Variants in IPCEF1 observed in about 807,000 individuals in gnomAD.
The protein encoded by IPCEF1 is interaction protein for cytohesin exchange factors 1, also known as interactor protein for cytohesin exchange factors 1.
IPCEF1 carries 31 observed loss-of-function variants against 50.9 expected under a neutral mutation model. The observed-to-expected ratio is 0.61, with a 90% CI of 0.46 to 0.82. The LOEUF (loss-of-function observed/expected upper bound fraction) is 0.82. Among genes scored for constraint, IPCEF1 ranks in the 40% least tolerant of loss-of-function variants. The pLI, the probability that IPCEF1 is intolerant of heterozygous loss-of-function variation, is 0.00. For synonymous variants in IPCEF1, 181 were observed against 192.0 expected, an observed-to-expected ratio of 0.94 and a Z score of 0.47; for missense variants, 458 against 514.0, an observed-to-expected ratio of 0.89 and a Z score of 1.05.
At chr6:154,245,165 A>G (rs1352024404) in intron 5 of IPCEF1, among the ~76,000 whole-genome samples, 3 of 152,242 alleles carry the variant, frequency 2.0e-5, no homozygotes, top group African/African-American at 7.2e-5. Context: ...TGAAGAATGT[A>G]TTCAGGAGGG....
Position 154,246,708 on chromosome 6 carries a change from A to T in IPCEF1, c.129T>A (p.Ala43=). 6.2e-7 allele frequency: 1 copy of T among 1,614,138 alleles called. No individual in the cohort carries two copies. ...RRISCKDLGH[A]DCQGWLYKKK... ...TCTTATACAGCCACCCTTGGCAGTCAGCATGGCCCAGATCTTTACACGATA... is the reference window on the plus strand; with the variant it reads ...TCTTATACAGCCACCCTTGGCAGTCTGCATGGCCCAGATCTTTACACGATA... The change falls in exon 5 of 12, where the codon GCT becomes GCA. Residue 43 remains alanine, a synonymous_variant. Transcript: ENST00000367220.
At chr6:154,257,138 T>G (rs1205568152) in intron 3 of IPCEF1, among the ~76,000 whole-genome samples, 1 of 152,202 alleles carries the variant, frequency 6.6e-6, no homozygotes, top group Non-Finnish European at 1.5e-5. Context: ...GTGACTAAAT[T>G]TAGTTCCTGG....
At chr6:154,333,737 G>GTA (rs966407609) in intron 1 of IPCEF1, among the ~76,000 whole-genome samples, 17 of 151,356 alleles carry the variant, frequency 1.1e-4, no homozygotes, top group East Asian at 5.8e-4. Flanking sequence ...ATATGTGTAT[G>GTA]TATATATATG....
At chr6:154,273,495 C>T (rs1781949569) in intron 2 of IPCEF1, among the ~76,000 whole-genome samples, 1 of 152,078 alleles carries the variant, frequency 6.6e-6, no homozygotes, top group Admixed American at 6.6e-5. Context: ...AAGCAAAGGA[C>T]ATGAGATAAT....
Position 154,270,995 on chromosome 6 carries a change from A to C in IPCEF1, c.-17-5031T>G, listed in dbSNP as rs1316720434. On this transcript the variant is annotated intron_variant, in intron 2 of 11. Coordinates refer to ENST00000367220, the MANE Select transcript of IPCEF1 (RefSeq NM_001130700.2). ...TGTTCCAAAAGACAAACAAACAAAC[A>C]AACCAAAAAAACTCTTCTTTTAGCT... Among the ~76,000 whole-genome samples the C allele has an allele frequency of 2.6e-5, 4 of 152,176 alleles. No individual in the cohort carries two copies. The East Asian group carries it at 7.7e-4, about 29-fold the overall frequency.
Position 154,305,799 on chromosome 6 carries a change from A to G in IPCEF1, c.-61-16043T>C, listed in dbSNP as rs1782917069. ...GGACTTGCTGAGGCTTCTGGCCTCC[A>G]TCTTTCTCCCATGCTGGATGCTTCC... On this transcript the variant is annotated intron_variant, in intron 1 of 11. Coordinates refer to ENST00000367220, the MANE Select transcript of IPCEF1 (RefSeq NM_001130700.2). Among the ~76,000 whole-genome samples the G allele has an allele frequency of 2.0e-5, 3 of 152,208 alleles. No individual in the cohort carries two copies. The South Asian group carries it at 6.2e-4, about 31-fold the overall frequency.
At chr6:154,336,796 A>G (rs754686163) in intron 1 of IPCEF1, among the ~76,000 whole-genome samples, 7 of 152,046 alleles carry the variant, frequency 4.6e-5, no homozygotes, top group Admixed American at 3.3e-4. Context: ...TTGTTGAGAC[A>G]AGGTCCCACT....
At chr6:154,287,794 C>G (rs1013295771) in intron 2 of IPCEF1, among the ~76,000 whole-genome samples, 4 of 152,184 alleles carry the variant, frequency 2.6e-5, no homozygotes, top group Admixed American at 2.0e-4. Context: ...TACTTGACAA[C>G]TTTTGAAGAT....
intron 1 of IPCEF1, among the ~76,000 whole-genome samples, chr6:154,341,222 C>A (rs538871153): frequency 2.6e-5 from 4 of 152,282 alleles, no homozygotes; most frequent in Admixed American, 6.5e-5. Context: ...CAGTTTCCAG[C>A]TTGAGTTTTC....
At chr6:154,333,785 G>A (rs1318959403) in intron 1 of IPCEF1, among the ~76,000 whole-genome samples, 2 of 151,254 alleles carry the variant, frequency 1.3e-5, no homozygotes, top group Non-Finnish European at 2.9e-5. Flanking sequence ...GTGTGTATAT[G>A]TGTATATATG....
chr6:154,248,267 T>C (rs1781213336), intron 3 of IPCEF1, among the ~76,000 whole-genome samples: 1 of 151,566 alleles, frequency 6.6e-6, no homozygotes, highest in South Asian at 2.1e-4. Flanking sequence ...AATCAGACTA[T>C]CAGCAAAAAT....
chr6:154,251,694 G>A (rs1214098532), intron 3 of IPCEF1, among the ~76,000 whole-genome samples: 7 of 152,212 alleles, frequency 4.6e-5, no homozygotes, highest in Admixed American at 2.0e-4. Context: ...GTTTTGTTAA[G>A]AAGTAGGGCA....
chr6:154,237,000 T>C (rs1001773296), intron 5 of IPCEF1, among the ~76,000 whole-genome samples: 1 of 152,190 alleles, frequency 6.6e-6, no homozygotes, highest in Non-Finnish European at 1.5e-5. Context: ...AACTTTCCTC[T>C]CTATGGTTTC....
intron 1 of IPCEF1, among the ~76,000 whole-genome samples, chr6:154,330,551 T>C (rs1783634415): frequency 6.6e-6 from 1 of 152,044 alleles, no homozygotes; most frequent in South Asian, 2.1e-4. Context: ...GTCTAAGTCC[T>C]GGGCTCAAGC....
intron 10 of IPCEF1, among the ~76,000 whole-genome samples, chr6:154,189,805 C>T (rs1801704169): frequency 1.3e-5 from 2 of 151,924 alleles, no homozygotes; most frequent in South Asian, 4.2e-4. Flanking sequence ...CCTGTCTCTA[C>T]TAAAAATACA....
At chr6:154,313,657 TG>T (rs1358995991) in intron 1 of IPCEF1, among the ~76,000 whole-genome samples, 2 of 152,176 alleles carry the variant, frequency 1.3e-5, no homozygotes, top group Admixed American at 6.5e-5. Context: ...AATTCCAAAA[TG>T]GTGTAGAATT....
chr6:154,302,761 CA>C (rs1485136516), intron 1 of IPCEF1, among the ~76,000 whole-genome samples: 1 of 152,124 alleles, frequency 6.6e-6, no homozygotes, highest in African/African-American at 2.4e-5. Context: ...AGACATGGGC[CA>C]CTGTGCCTGG....
intron 5 of IPCEF1, among the ~76,000 whole-genome samples, chr6:154,241,160 C>T (rs1298004255): frequency 1.3e-5 from 2 of 148,956 alleles, no homozygotes; most frequent in Non-Finnish European, 3.0e-5. Flanking sequence ...CGCTTGAACC[C>T]GGGAGGCGGA....
At chr6:154,346,042 T>C (rs1480040579) in intron 1 of IPCEF1, among the ~76,000 whole-genome samples, 5 of 152,008 alleles carry the variant, frequency 3.3e-5, no homozygotes, top group Non-Finnish European at 5.9e-5. Context: ...ATTTTTTGTA[T>C]ACTTTTTGGT....
Sources: allele counts gnomAD v4.1 joint callset (sites outside exome capture counted in the v4.1 genomes callset), GRCh38; gene constraint gnomAD v4.1.1; transcripts MANE v1.5; gene names NCBI Gene and HGNC (gene_info 2026-07-23, HGNC 2026-07-21).